SCAMP1: variants seen among roughly 807,000 people sequenced by gnomAD.
SCAMP1 encodes secretory carrier-associated membrane protein 1.
SCAMP1 carries 15 observed loss-of-function variants against 41.8 expected under a neutral mutation model. That is an observed-to-expected ratio of 0.36 (90% confidence interval 0.24 to 0.55). The LOEUF is 0.55. Among genes scored for constraint, SCAMP1 ranks in the 20% least tolerant of loss-of-function variants. The pLI is 0.86. For missense variants in SCAMP1, 341 were observed against 412.6 expected (o/e 0.83, Z 1.50); for synonymous variants, 135 against 136.8 (o/e 0.99, Z 0.09).
At chr5:78,467,396 C>T (rs1180852266) in intron 8 of SCAMP1, among the ~76,000 whole-genome samples, 1 of 152,136 alleles carries the variant, frequency 6.6e-6, no homozygotes, top group African/African-American at 2.4e-5. Context: ...CTACTCTGTG[C>T]ACACTCTGAA....
At chr5:78,443,331 A>C (rs1289786443) in intron 6 of SCAMP1, among the ~76,000 whole-genome samples, 3 of 151,772 alleles carry the variant, frequency 2.0e-5, no homozygotes, top group Non-Finnish European at 1.5e-5. Flanking sequence ...CTGTTTGCTT[A>C]TCCGTAAAAT....
At chr5:78,398,268 A>G (rs1398203148) in intron 2 of SCAMP1, among the ~76,000 whole-genome samples, 1 of 151,526 alleles carries the variant, frequency 6.6e-6, no homozygotes, top group Non-Finnish European at 1.5e-5. Flanking sequence ...TGAAAACATT[A>G]TGCCTTCACC....
At chr5:78,392,025 GA>G (rs1751526754) in intron 2 of SCAMP1, among the ~76,000 whole-genome samples, 1 of 1,302 alleles carries the variant, frequency 7.7e-4, no homozygotes, top group Non-Finnish European at 3.4e-3. Flanking sequence ...GAGGGAGAGA[GA>G]GGGAGAGGGA....
intron 8 of SCAMP1, among the ~76,000 whole-genome samples, chr5:78,469,902 A>T (rs1561290898): frequency 1.3e-4 from 6 of 45,430 alleles, no homozygotes; most frequent in African/African-American, 1.0e-3. Flanking sequence ...AAAAAAAAAA[A>T]AAAAAAAAAA....
chr5:78,443,092 A>T (rs1429743703), intron 6 of SCAMP1, among the ~76,000 whole-genome samples: 1 of 151,528 alleles, frequency 6.6e-6, no homozygotes, highest in African/African-American at 2.4e-5. Flanking sequence ...GGGTGCCTGT[A>T]GTCCCAGCTA....
intron 7 of SCAMP1, among the ~76,000 whole-genome samples, chr5:78,451,331 T>C (rs1753220343): frequency 6.6e-6 from 1 of 152,196 alleles, no homozygotes; most frequent in African/African-American, 2.4e-5. Flanking sequence ...CTTTATCCTG[T>C]TTCACCCAAT....
At chr5:78,418,489 G>C (rs928383201) in intron 4 of SCAMP1, among the ~76,000 whole-genome samples, 7 of 152,058 alleles carry the variant, frequency 4.6e-5, no homozygotes, top group Admixed American at 3.3e-4. Flanking sequence ...CTTTCTTTTT[G>C]TTTCTTGTTT....
chr5:78,428,139 T>C (rs564622571), intron 6 of SCAMP1, among the ~76,000 whole-genome samples: 2 of 152,282 alleles, frequency 1.3e-5, no homozygotes, highest in Admixed American at 6.5e-5. Flanking sequence ...TTTTCTCTTA[T>C]ATTTTCTCCT....
intron 8 of SCAMP1, among the ~76,000 whole-genome samples, chr5:78,471,622 A>G (rs1262218232): frequency 6.6e-6 from 1 of 152,140 alleles, no homozygotes; most frequent in Non-Finnish European, 1.5e-5. Flanking sequence ...ATAAAGTGCC[A>G]TTATTCTTTA....
chr5:78,445,558 C>T (rs1753032969), intron 6 of SCAMP1, among the ~76,000 whole-genome samples: 2 of 152,244 alleles, frequency 1.3e-5, no homozygotes, highest in South Asian at 4.1e-4. Flanking sequence ...CTGATTTAAA[C>T]AGTCTGCTTT....
At chr5:78,401,345 G>GT (rs1751792651) in intron 2 of SCAMP1, among the ~76,000 whole-genome samples, 1 of 152,062 alleles carries the variant, frequency 6.6e-6, no homozygotes, top group South Asian at 2.1e-4. Flanking sequence ...TAGCCTCATA[G>GT]GATGAGTTAG....
intron 8 of SCAMP1, among the ~76,000 whole-genome samples, chr5:78,461,987 T>C (rs1212915275): frequency 6.6e-6 from 1 of 152,172 alleles, no homozygotes; most frequent in African/African-American, 2.4e-5. Context: ...CTGTGAAAAA[T>C]GATGTTGGTA....
Position 78,415,501 on chromosome 5 carries a change from C to A in SCAMP1, c.136-19C>A. The A allele has an allele frequency of 6.7e-7, 1 of 1,490,150 alleles. No homozygotes were observed. The highest frequency in any genetic ancestry group is 9.2e-7 in the Non-Finnish European group (1 of 1,085,718). The allele number at this position is 1,490,150 out of a possible 1,614,324, so 92.3% of individuals were successfully genotyped here. On this transcript the variant is annotated intron_variant, in intron 2 of 8. Transcript: ENST00000621999. ...TGGATCTCTGTGTTACATAATTTTC[C>A]TTCTCTTAATCCTCCTAGCCTCCAC...
At chr5:78,384,491 G>A (rs1036299559) in intron 1 of SCAMP1, among the ~76,000 whole-genome samples, 5 of 152,032 alleles carry the variant, frequency 3.3e-5, no homozygotes, top group Admixed American at 3.3e-4. Flanking sequence ...CCAGTACGGT[G>A]TAGAATAGAA....
At chr5:78,368,782 G>A (rs992937866) in intron 1 of SCAMP1, among the ~76,000 whole-genome samples, 1 of 152,098 alleles carries the variant, frequency 6.6e-6, no homozygotes, top group Non-Finnish European at 1.5e-5. Context: ...AAATAGGAGA[G>A]CTCCCATCAG....
chr5:78,364,258 A>G (rs1750738985), intron 1 of SCAMP1, among the ~76,000 whole-genome samples: 1 of 152,214 alleles, frequency 6.6e-6, no homozygotes. Flanking sequence ...GTGTATGGTT[A>G]AGTGCCGGAA....
chr5:78,424,089 C>G (rs923031062), intron 6 of SCAMP1, among the ~76,000 whole-genome samples: 2 of 151,420 alleles, frequency 1.3e-5, no homozygotes, highest in African/African-American at 4.9e-5. Context: ...GGTGATCCGC[C>G]CACCTTGGCC....
Position 78,418,906 on chromosome 5 carries a change from G to A in SCAMP1, c.472+3G>A, listed in dbSNP as rs1580679632. The A allele has an allele frequency of 6.4e-7, 1 of 1,557,504 alleles. No individual in the cohort carries two copies. The highest frequency in any genetic ancestry group is 1.4e-5 in the African/African-American group (1 of 72,948). ...GCTTATGTACTACTTGTGGATGTGT[G>A]AGTATACAACAATTTACATCTTTGC... On this transcript the variant is annotated splice_donor_region_variant and intron_variant, in intron 5 of 8. Coordinates refer to ENST00000621999, the MANE Select transcript of SCAMP1 (RefSeq NM_004866.6).
intron 8 of SCAMP1, among the ~76,000 whole-genome samples, chr5:78,469,303 GGAA>G (rs1391849007): frequency 1.3e-5 from 2 of 151,982 alleles, no homozygotes; most frequent in Non-Finnish European, 2.9e-5. Context: ...TTGCTGACTA[GGAA>G]TCAATTCTGG....
Sources: gnomAD v4.1 joint callset for allele counts (sites outside exome capture counted in the v4.1 genomes callset) on GRCh38, gnomAD v4.1.1 for gene constraint, MANE v1.5 for transcripts, NCBI Gene and HGNC (gene_info 2026-07-23, HGNC 2026-07-21) for gene names.